The following KMT5B variants were observed in gnomAD, a reference collection of about 807,000 sequenced individuals.
The protein encoded by KMT5B is lysine methyltransferase 5B.
Under a neutral mutation model 83.2 loss-of-function variants are expected in KMT5B, and 10 were observed. That is an observed-to-expected ratio of 0.12 (90% confidence interval 0.07 to 0.20). KMT5B has a LOEUF of 0.20. KMT5B is among the 10% of genes least tolerant of loss of function. KMT5B has a pLI of 1.00. For synonymous variants in KMT5B, 349 were observed against 388.8 expected, an observed-to-expected ratio of 0.90 and a Z score of 1.20; for missense variants, 753 against 1,067.2, an observed-to-expected ratio of 0.71 and a Z score of 4.10.
Position 68,184,471 on chromosome 11 carries a change from A to G in KMT5B, c.308+1310T>C, listed in dbSNP as rs373315748. ...ACTGTAATTGATAAGTGAGGCATAT[A>G]GTATCTTAATTCTAGCAAGGGATAA... is the stretch of plus-strand genomic sequence containing the variant. On this transcript the variant is annotated intron_variant, in intron 3 of 10. Transcript: ENST00000304363. Among the ~76,000 whole-genome samples the G allele has an allele frequency of 3.0e-4, 45 of 152,370 alleles. 1 individual carries two copies. In the South Asian group the frequency reaches 8.9e-3, roughly 30 times the overall value.
rs772389093 is a variant in KMT5B at position 68,166,713 on chromosome 11, T to A, written c.1174+269A>T. 6 of 1,280,734 alleles carry A rather than the reference T, an allele frequency of 4.7e-6. No homozygotes were observed. In the African/African-American group the frequency reaches 7.4e-5, roughly 16 times the overall value. The allele number at this position is 1,280,734 out of a possible 1,614,324, so 79.3% of individuals were successfully genotyped here. On this transcript the variant is annotated intron_variant, in intron 10 of 10. Coordinates refer to ENST00000304363, the MANE Select transcript of KMT5B (RefSeq NM_017635.5). ...ACACCTTGAAAATGTTTAAAACATA[T>A]GATGACCTTGGAACATATGATGAAG...
chr11:68,204,080 G>T (rs911945156), intron 1 of KMT5B, among the ~76,000 whole-genome samples: 3 of 152,244 alleles, frequency 2.0e-5, no homozygotes, highest in Non-Finnish European at 2.9e-5. Flanking sequence ...GCCACCAAGA[G>T]AATAGCGTCT....
chr11:68,178,781 C>G (rs1017188015), intron 4 of KMT5B, among the ~76,000 whole-genome samples: 1 of 152,088 alleles, frequency 6.6e-6, no homozygotes, highest in Admixed American at 6.5e-5. Flanking sequence ...AGGGCTGGTG[C>G]AAATGCACTG....
intron 10 of KMT5B, chr11:68,165,649 T>C: frequency 4.5e-6 from 5 of 1,106,254 alleles, no homozygotes; most frequent in South Asian, 2.1e-5. Flanking sequence ...AGTGTTTTTA[T>C]GTCTGCATTT....
intron 1 of KMT5B, among the ~76,000 whole-genome samples, chr11:68,211,153 AT>A (rs1400401256): frequency 6.6e-6 from 1 of 152,048 alleles, no homozygotes; most frequent in African/African-American, 2.4e-5. Flanking sequence ...AATCACCAAC[AT>A]CCCCCACCCA....
At chr11:68,167,793 G>C (rs567986581) in intron 9 of KMT5B, among the ~76,000 whole-genome samples, 15 of 152,232 alleles carry the variant, frequency 9.9e-5, no homozygotes, top group African/African-American at 3.6e-4. Flanking sequence ...TTGCCAAAGG[G>C]ATAGAGCAAA....
rs747775912 is a variant in KMT5B at position 68,158,265 on chromosome 11, C to G, written c.2081G>C (p.Ser694Thr). 6.2e-7 allele frequency: 1 copy of G among 1,614,018 alleles called. No individual in the cohort carries two copies. Among genetic ancestry groups the G allele is most frequent in the East Asian group, 2.2e-5 (1 of 44,888 alleles). The change falls in exon 11 of 11, where the codon AGT becomes ACT. Residue 694 changes from serine to threonine, a missense_variant. Transcript: ENST00000304363. ...CCTTGTGATTCGCCTCTTCTTTTTA[C>G]TTTTTGCAGTTCTAAAGCTGTCTTT... The part of the protein sequence containing the change: ...KTKDSFRTAK[S>T]KKKRRITRYD...
chr11:68,179,897 T>C (rs986616422), intron 4 of KMT5B: 6 of 490,668 alleles, frequency 1.2e-5, no homozygotes, highest in African/African-American at 1.9e-5. Flanking sequence ...GCTAATCACA[T>C]GGAGTGACTC....
chr11:68,189,874 C>G, intron 2 of KMT5B, 43 bp downstream of exon 2: 2 of 1,570,530 alleles, frequency 1.3e-6, no homozygotes, highest in Non-Finnish European at 1.7e-6. Flanking sequence ...AATTACTACC[C>G]CATATCACAA....
chr11:68,197,781 CAT>C (rs767641650), intron 1 of KMT5B, among the ~76,000 whole-genome samples: 1 of 152,192 alleles, frequency 6.6e-6, no homozygotes, highest in African/African-American at 2.4e-5. Context: ...ATGCACTGCA[CAT>C]GTCTGGATGT....
At chr11:68,179,678 G>C in intron 4 of KMT5B, 7 of 1,125,014 alleles carry the variant, frequency 6.2e-6, no homozygotes, top group Non-Finnish European at 7.9e-6. Flanking sequence ...GAGAGAGGAA[G>C]AGAGAAAAAT....
chr11:68,199,977 T>C (rs759038486), intron 1 of KMT5B, among the ~76,000 whole-genome samples: 1 of 152,106 alleles, frequency 6.6e-6, no homozygotes, highest in Non-Finnish European at 1.5e-5. Flanking sequence ...GTGTGGGAAT[T>C]TGGTTTTGGT....
intron 1 of KMT5B, among the ~76,000 whole-genome samples, chr11:68,198,480 G>GACAAT (rs1859008631): frequency 7.6e-6 from 1 of 131,068 alleles, no homozygotes; most frequent in African/African-American, 3.2e-5. Context: ...GACAAGACAA[G>GACAAT]ACAAGACAAG....
At chr11:68,192,140 C>A (rs7931502) in intron 1 of KMT5B, among the ~76,000 whole-genome samples, 68,534 of 151,922 alleles carry the variant, frequency 0.45, 16,045 homozygotes, top group East Asian at 0.64. Flanking sequence ...AACTGCATGA[C>A]AACAAAACCA....
chr11:68,204,111 C>T (rs1207008016), intron 1 of KMT5B, among the ~76,000 whole-genome samples: 1 of 152,072 alleles, frequency 6.6e-6, no homozygotes, highest in African/African-American at 2.4e-5. Context: ...AGTTTACCTA[C>T]CACCAAGGTA....
intron 4 of KMT5B, among the ~76,000 whole-genome samples, chr11:68,178,106 T>C (rs1856551591): frequency 6.6e-6 from 1 of 152,174 alleles, no homozygotes; most frequent in Non-Finnish European, 1.5e-5. Context: ...TTTAAGCAAA[T>C]GCAATAAATT....
At chr11:68,209,646 C>A (rs1565268385) in intron 1 of KMT5B, among the ~76,000 whole-genome samples, 3 of 152,144 alleles carry the variant, frequency 2.0e-5, no homozygotes, top group Admixed American at 1.3e-4. Flanking sequence ...CTCAGCAACC[C>A]TATCAGGTGA....
At chr11:68,165,766 A>G (rs1001186225) in intron 10 of KMT5B, 2 of 1,496,002 alleles carry the variant, frequency 1.3e-6, no homozygotes, top group African/African-American at 2.8e-5. Flanking sequence ...ACAGTTAATG[A>G]TTGACTAACT....
intron 1 of KMT5B, among the ~76,000 whole-genome samples, chr11:68,210,586 C>A (rs952567810): frequency 2.6e-5 from 4 of 152,026 alleles, no homozygotes; most frequent in African/African-American, 9.7e-5. Context: ...TCAACTATTC[C>A]TAAAATTACA....
Sources: allele counts gnomAD v4.1 joint callset (sites outside exome capture counted in the v4.1 genomes callset), GRCh38; gene constraint gnomAD v4.1.1; transcripts MANE v1.5; gene names NCBI Gene and HGNC (gene_info 2026-07-23, HGNC 2026-07-21).